The following MOCOS variants were observed in gnomAD, a reference collection of about 807,000 sequenced individuals.
MOCOS encodes the protein molybdenum cofactor sulfurase.
MOCOS carries 86 observed loss-of-function variants against 83.6 expected under a neutral mutation model. The ratio of observed to expected loss-of-function variants is 1.03; its 90% CI spans 0.86 to 1.23. The LOEUF (loss-of-function observed/expected upper bound fraction) is 1.23. MOCOS is among the 50% of genes most tolerant of loss of function. The pLI, the probability that MOCOS is intolerant of heterozygous loss-of-function variation, is 0.00. For synonymous variants in MOCOS, 445 were observed against 434.7 expected (o/e 1.02, Z -0.29); for missense variants, 1,120 against 1,126.9 (o/e 0.99, Z 0.09).
Position 36,200,029 on chromosome 18 carries a change from A to C in MOCOS, c.646A>C (p.Ile216Leu). 6.2e-7 allele frequency: 1 copy of C among 1,614,212 alleles called. No homozygotes were observed. The highest frequency in any genetic ancestry group is 1.1e-5 in the South Asian group (1 of 91,078). ...TGGAGTCAGATACCCCCTGTCCTGG[A>C]TAGAAGAGGTCAAGTCTGGGCGGTT... ...FSGVRYPLSW[I>L]EEVKSGRLHP... Residue 216 changes from isoleucine to leucine, a missense_variant, in exon 4 of 15, where the codon ATA (isoleucine) becomes CTA (leucine). Physicochemically the swap from Ile to Leu is conservative, Grantham distance 5 (BLOSUM62 2). Coordinates refer to ENST00000261326, the MANE Select transcript of MOCOS (RefSeq NM_017947.4).
At chr18:36,264,661 C>T (rs980063391) in intron 13 of MOCOS, among the ~76,000 whole-genome samples, 1 of 152,046 alleles carries the variant, frequency 6.6e-6, no homozygotes, top group Non-Finnish European at 1.5e-5. Context: ...TGGTAGAGCT[C>T]CTTTCCAGCA....
At position 36,220,162 on chromosome 18, in the gene MOCOS, C is replaced by T. The variant is rs910676616; in HGVS notation, c.1905C>T (p.Cys635=). ...CLSQKQEPRL[C]LIQPFIDLRQ... is the part of the protein sequence containing the mutation. Reference sequence around the variant, plus strand: ...GTCAGAAGCAGGAACCCCGGCTCTGCCTGATCCAGCCCTTCATCGACTTGC... The same window carrying T: ...GTCAGAAGCAGGAACCCCGGCTCTGTCTGATCCAGCCCTTCATCGACTTGC... The change falls in exon 9 of 15, where the codon TGC becomes TGT. Residue 635 remains cysteine (C), a synonymous_variant. Transcript: ENST00000261326. The T allele has an allele frequency of 5.6e-6, 9 of 1,614,002 alleles. No homozygotes were observed. In the Admixed American group the frequency reaches 1.3e-4, roughly 24 times the overall value.
chr18:36,208,856 T>C (rs981028024), intron 6 of MOCOS, among the ~76,000 whole-genome samples: 6 of 152,214 alleles, frequency 3.9e-5, no homozygotes, highest in Non-Finnish European at 8.8e-5. Context: ...AGAGAGGTCA[T>C]CCTTATCTTG....
At chr18:36,248,334 T>C (rs543285990) in intron 9 of MOCOS, among the ~76,000 whole-genome samples, 1 of 152,344 alleles carries the variant, frequency 6.6e-6, no homozygotes, top group South Asian at 2.1e-4. Context: ...GATTTCCTAT[T>C]TGGTTATTAA....
chr18:36,214,523 T>C (rs2091468430), intron 7 of MOCOS, among the ~76,000 whole-genome samples: 1 of 152,114 alleles, frequency 6.6e-6, no homozygotes, highest in Non-Finnish European at 1.5e-5. Context: ...CCTCCCTGTC[T>C]CTTCCCTGGG....
chr18:36,198,635 C>G, intron 2 of MOCOS, 55 bp from the exon 3 acceptor site: 1 of 1,569,888 alleles, frequency 6.4e-7, no homozygotes, highest in Non-Finnish European at 8.8e-7. Context: ...AGAAGGAACA[C>G]AAAAGAAGCG....
Position 36,254,329 on chromosome 18 carries a change from A to G in MOCOS, c.2165-2639A>G, listed in dbSNP as rs551357302. Among the ~76,000 whole-genome samples the G allele has an allele frequency of 5.3e-5, 8 of 152,282 alleles. No individual in the cohort carries two copies. The South Asian group carries it at 1.7e-3, about 32-fold the overall frequency. ...ATGTGATTTCCAGTATATTGTAAAC[A>G]TTGTCATTTTAAATTTAAACTTGTA... is the stretch of plus-strand genomic sequence containing the variant. On this transcript the variant is annotated intron_variant, in intron 11 of 14. Transcript: ENST00000261326.
intron 9 of MOCOS, among the ~76,000 whole-genome samples, chr18:36,244,165 T>C (rs1289084285): frequency 6.6e-6 from 1 of 152,044 alleles, no homozygotes; most frequent in Non-Finnish European, 1.5e-5. Context: ...TCTGTTTGGT[T>C]TGGGTTTGAT....
At chr18:36,237,457 C>A (rs1391301234) in intron 9 of MOCOS, among the ~76,000 whole-genome samples, 1 of 152,150 alleles carries the variant, frequency 6.6e-6, no homozygotes, top group Non-Finnish European at 1.5e-5. Flanking sequence ...TATATTGAAC[C>A]AGCCTTGCAT....
chr18:36,261,405 T>G (rs2144153531), intron 13 of MOCOS, among the ~76,000 whole-genome samples: 1 of 152,226 alleles, frequency 6.6e-6, no homozygotes, highest in East Asian at 1.9e-4. Context: ...ATGCTTCTGG[T>G]GTCAAGCATA....
At chr18:36,213,285 A>G in intron 6 of MOCOS, 81 bp from the exon 7 acceptor site, 1 of 1,030,218 alleles carries the variant, frequency 9.7e-7, no homozygotes, top group Non-Finnish European at 1.5e-6. Context: ...TAGGAAAGAG[A>G]GGTCCAAATC....
intron 1 of MOCOS, among the ~76,000 whole-genome samples, chr18:36,189,049 A>G (rs1441696960): frequency 6.6e-6 from 1 of 152,000 alleles, no homozygotes; most frequent in African/African-American, 2.4e-5. Context: ...CTTCAAGGCT[A>G]CCTGAGTAAT....
intron 9 of MOCOS, among the ~76,000 whole-genome samples, chr18:36,237,310 A>C (rs2091563151): frequency 6.6e-6 from 1 of 151,498 alleles, no homozygotes. Context: ...ATGTCCCATC[A>C]ATACCTAATT....
Position 36,187,634 on chromosome 18 carries a change from C to G in MOCOS, c.95C>G (p.Pro32Arg). The change falls in exon 1 of 15, where the codon CCG becomes CGG. Residue 32 changes from proline to arginine, a missense_variant. Transcript: ENST00000261326. ...CCGCGGCTAGCCTACGGCTACGGCC[C>G]GGGCAGCCTGCGCGAGCTGCGGGCG... ...SAPRLAYGYG[P>R]GSLRELRARE... The G allele has an allele frequency of 8.0e-7, 1 of 1,250,610 alleles. No individual in the cohort carries two copies. The highest frequency in any genetic ancestry group is 3.1e-5 in the East Asian group (1 of 32,530). 77.5% of individuals were successfully genotyped at this position (1,250,610 alleles called of 1,614,324 possible).
chr18:36,223,868 G>A (rs2091505803), intron 9 of MOCOS, among the ~76,000 whole-genome samples: 1 of 152,114 alleles, frequency 6.6e-6, no homozygotes, highest in African/African-American at 2.4e-5. Flanking sequence ...GTCTCACTCT[G>A]TTGCCCAAAC....
intron 13 of MOCOS, 86 bp from the exon 14 acceptor site, chr18:36,266,663 G>C (rs2091682902): frequency 9.0e-7 from 1 of 1,110,402 alleles, no homozygotes; most frequent in Non-Finnish European, 1.4e-6. Flanking sequence ...TTAGGGGACT[G>C]GGCATTTCTG....
At chr18:36,253,552 G>C (rs1478560584) in intron 11 of MOCOS, among the ~76,000 whole-genome samples, 1 of 152,054 alleles carries the variant, frequency 6.6e-6, no homozygotes, top group Non-Finnish European at 1.5e-5. Flanking sequence ...TGTAATCCCA[G>C]CTACTTGGGA....
Position 36,251,305 on chromosome 18 carries a change from C to T in MOCOS, c.2164+22C>T, listed in dbSNP as rs562281598. The T allele has an allele frequency of 2.6e-5, 42 of 1,612,928 alleles. No homozygotes were observed. In the South Asian group the frequency reaches 3.5e-4, roughly 14 times the overall value. ...AAAGGTATTACATTTTGAATTGGTT[C>T]GTAGAGAACAGGAACCCTGGCTTAC... On this transcript the variant is annotated intron_variant, in intron 11 of 14. Coordinates refer to ENST00000261326, the MANE Select transcript of MOCOS (RefSeq NM_017947.4).
chr18:36,234,021 C>G (rs2091548635), intron 9 of MOCOS, among the ~76,000 whole-genome samples: 1 of 152,104 alleles, frequency 6.6e-6, no homozygotes, highest in African/African-American at 2.4e-5. Flanking sequence ...TTTTGCTGTG[C>G]AGAAGCTTTT....
Sources: allele counts gnomAD v4.1 joint callset (sites outside exome capture counted in the v4.1 genomes callset), GRCh38; gene constraint gnomAD v4.1.1; transcripts MANE v1.5; gene names NCBI Gene and HGNC (gene_info 2026-07-23, HGNC 2026-07-21).